ZNF568: variants seen among roughly 807,000 people sequenced by gnomAD.
The protein encoded by ZNF568 is p53 inhibitor of SCO2 activation.
Under a neutral mutation model 18.1 loss-of-function variants are expected in ZNF568, and 11 were observed. The ratio of observed to expected loss-of-function variants is 0.61; its 90% CI spans 0.38 to 1.00. ZNF568 has a LOEUF of 1.00. Ranked by LOEUF, ZNF568 falls within the 50% of genes least tolerant of loss-of-function variation. The probability of loss-of-function intolerance (pLI) is 0.01; values close to 1 mark genes in which losing one functional copy is unlikely to be tolerated. For missense variants in ZNF568, 639 were observed against 768.2 expected (o/e 0.83, Z 1.99); for synonymous variants, 213 against 246.6 (o/e 0.86, Z 1.28).
intron 6 of ZNF568, among the ~76,000 whole-genome samples, chr19:36,961,065 T>G (rs1384156497): frequency 6.6e-6 from 1 of 152,156 alleles, no homozygotes; most frequent in African/African-American, 2.4e-5. Flanking sequence ...TTAAATCTAA[T>G]TTTTTAAAAC....
downstream of ZNF568, among the ~76,000 whole-genome samples, chr19:36,956,276 T>C (rs1220576156): frequency 2.0e-5 from 3 of 152,198 alleles, no homozygotes; most frequent in African/African-American, 4.8e-5. Flanking sequence ...CTCTAAGGAA[T>C]TGCTGTTGGA....
At chr19:36,944,252 G>A (rs1156874068) in intron 6 of ZNF568, among the ~76,000 whole-genome samples, 1 of 151,806 alleles carries the variant, frequency 6.6e-6, no homozygotes, top group East Asian at 1.9e-4. Flanking sequence ...TACAAAATTA[G>A]TTGGGCGTGG....
downstream of ZNF568, among the ~76,000 whole-genome samples, chr19:36,953,963 C>T (rs532996115): frequency 6.6e-6 from 1 of 152,234 alleles, no homozygotes; most frequent in East Asian, 1.9e-4. Flanking sequence ...GTGGCTCACG[C>T]CTGTAATCCC....
intron 6 of ZNF568, among the ~76,000 whole-genome samples, chr19:36,944,228 G>A (rs937287885): frequency 4.6e-5 from 7 of 151,754 alleles, no homozygotes; most frequent in African/African-American, 1.2e-4. Context: ...GAGAAACCCC[G>A]TCTCTACTAA....
intron 6 of ZNF568, among the ~76,000 whole-genome samples, chr19:36,966,820 T>C (rs2074198413): frequency 6.6e-6 from 1 of 152,240 alleles, no homozygotes; most frequent in Non-Finnish European, 1.5e-5. Context: ...GAGCATGCAG[T>C]CTCTTGGAGA....
At chr19:36,970,859 T>C in intron 6 of ZNF568, among the ~76,000 whole-genome samples, 1 of 152,186 alleles carries the variant, frequency 6.6e-6, no homozygotes, top group Non-Finnish European at 1.5e-5. Context: ...TTTCTACTTC[T>C]TAGTAGAAAT....
chr19:36,963,934 T>A (rs2074173868), intron 6 of ZNF568, among the ~76,000 whole-genome samples: 1 of 132,698 alleles, frequency 7.5e-6, no homozygotes, highest in Non-Finnish European at 1.5e-5. Flanking sequence ...GCCACTGCAC[T>A]CCAGCCTGGC....
intron 6 of ZNF568, among the ~76,000 whole-genome samples, chr19:36,962,584 A>AC (rs2074163762): frequency 6.6e-6 from 1 of 151,156 alleles, no homozygotes; most frequent in African/African-American, 2.4e-5. Context: ...CAAGTGATCC[A>AC]CCCGCTTCGA....
At chr19:36,929,027 A>G (rs1377652823) in intron 4 of ZNF568, among the ~76,000 whole-genome samples, 1 of 152,154 alleles carries the variant, frequency 6.6e-6, no homozygotes, top group Non-Finnish European at 1.5e-5. Context: ...AAATAAAAAC[A>G]TGCAGAATGG....
At position 36,951,131 on chromosome 19, in the gene ZNF568, A is replaced by G; in HGVS notation, c.*43A>G. ...AAATTCAACCCATGTTTTACTTAAA[A>G]TATCTTGGCATAAGCTCAAAAAAGC... On this transcript the variant is annotated 3_prime_UTR_variant, in exon 7 of 7. Coordinates refer to ENST00000333987, the MANE Select transcript of ZNF568 (RefSeq NM_198539.4). The G allele has an allele frequency of 2.7e-6, 4 of 1,468,746 alleles. No individual in the cohort carries two copies. The Admixed American group carries it at 1.0e-4, about 37-fold the overall frequency. The allele number at this position is 1,468,746 out of a possible 1,614,324, so 91.0% of individuals were successfully genotyped here.
At chr19:36,947,080 A>G (rs1044877361) in intron 6 of ZNF568, among the ~76,000 whole-genome samples, 8 of 151,198 alleles carry the variant, frequency 5.3e-5, no homozygotes, top group African/African-American at 1.9e-4. Context: ...CAGCGGCACG[A>G]TCTCGGCTCA....
intron 6 of ZNF568, among the ~76,000 whole-genome samples, chr19:36,959,577 G>C (rs76866408): frequency 6.6e-6 from 1 of 152,060 alleles, no homozygotes; most frequent in South Asian, 2.1e-4. Flanking sequence ...ATAGTTTCAG[G>C]AGAATTGGTA....
At chr19:36,997,663 C>G (rs3745770), downstream of ZNF568, 410,668 of 1,225,206 alleles carry the variant, frequency 0.34, 69,370 homozygotes, top group Non-Finnish European at 0.35. Context: ...GGCCTTCATT[C>G]GGGCCTCACA....
In ZNF568 at chr19:36,950,440, G is replaced by C; in HGVS notation, c.1287G>C (p.Gln429His). 1 of 1,612,916 alleles carries C rather than the reference G, an allele frequency of 6.2e-7. No homozygotes were observed. The highest frequency in any genetic ancestry group is 8.5e-7 in the Non-Finnish European group (1 of 1,179,296). ...VCSECGKAFS[Q>H]SSSLTVHMRN... ...GTGAATGTGGGAAAGCCTTCTCTCA[G>C]AGTTCATCCCTAACCGTACATATGC... Residue 429 changes from glutamine to histidine, a missense_variant, in exon 7 of 7, where the codon CAG (glutamine) becomes CAC (histidine). Coordinates refer to ENST00000333987, the MANE Select transcript of ZNF568 (RefSeq NM_198539.4).
At chr19:36,964,963 C>G (rs1462737256) in intron 6 of ZNF568, among the ~76,000 whole-genome samples, 7 of 145,482 alleles carry the variant, frequency 4.8e-5, no homozygotes, top group Non-Finnish European at 9.0e-5. Context: ...CTTCTGCGCT[C>G]TCCTAGTTGG....
intron 6 of ZNF568, among the ~76,000 whole-genome samples, chr19:36,969,650 C>T (rs942584487): frequency 1.2e-4 from 18 of 151,986 alleles, no homozygotes; most frequent in African/African-American, 4.3e-4. Context: ...ATGGCACTTT[C>T]CTCCGTCTTC....
chr19:36,996,851 G>A (rs764088044), exon 5 of ZNF568: 5 of 1,540,040 alleles, frequency 3.2e-6, no homozygotes, highest in Non-Finnish European at 4.4e-6. Flanking sequence ...CAGCATCAGA[G>A]GATGCATCTT....
chr19:36,978,954 AGTC>A (rs1233586942), intron 7 of ZNF568: 8 of 347,342 alleles, frequency 2.3e-5, no homozygotes, highest in Non-Finnish European at 1.1e-5. Context: ...TATCTCTTAT[AGTC>A]GTTTTCATAC....
At chr19:36,969,637 C>T (rs1216884648) in intron 6 of ZNF568, among the ~76,000 whole-genome samples, 1 of 151,972 alleles carries the variant, frequency 6.6e-6, no homozygotes, top group Non-Finnish European at 1.5e-5. Flanking sequence ...CGTTCTTTTG[C>T]TTATGGCACT....
Sources: gnomAD v4.1 joint callset for allele counts (sites outside exome capture counted in the v4.1 genomes callset) on GRCh38, gnomAD v4.1.1 for gene constraint, MANE v1.5 for transcripts, NCBI Gene and HGNC (gene_info 2026-07-23, HGNC 2026-07-21) for gene names.